NDUFAF7: variants seen among roughly 807,000 people sequenced by gnomAD.
NDUFAF7 encodes protein arginine methyltransferase NDUFAF7, mitochondrial.
A neutral mutation model predicts 47.2 loss-of-function variants in NDUFAF7; 48 were observed. The observed-to-expected ratio is 1.02, with a 90% CI of 0.81 to 1.29. The LOEUF (loss-of-function observed/expected upper bound fraction) is 1.29. NDUFAF7 is among the 50% of genes most tolerant of loss of function. The pLI is 0.00. For synonymous variants in NDUFAF7, 217 were observed against 190.0 expected, an observed-to-expected ratio of 1.14 and a Z score of -1.17; for missense variants, 635 against 537.6, an observed-to-expected ratio of 1.18 and a Z score of -1.79.
chr2:37,245,934 T>C lies in NDUFAF7; in HGVS notation c.793-118T>C. 3 of 1,165,064 alleles carry C rather than the reference T, an allele frequency of 2.6e-6. No homozygotes were observed. In the South Asian group the frequency reaches 4.2e-5, roughly 16 times the overall value. 72.2% of individuals were successfully genotyped at this position (1,165,064 alleles called of 1,614,324 possible). The stretch of plus-strand genomic sequence containing the variant: ...GTTGAGTGTAGAGAACATACTCATA[T>C]TAAGAATTTATTTTTATTAAAACTA... On this transcript the variant is annotated intron_variant, in intron 7 of 9. Transcript: ENST00000002125.
rs200192456 is a variant in NDUFAF7 at position 37,248,173 on chromosome 2, G to A, written c.1149G>A (p.Gln383=). 57 of 1,614,032 alleles carry A rather than the reference G, an allele frequency of 3.5e-5. No homozygotes were observed. In the African/African-American group the frequency reaches 7.1e-4, roughly 20 times the overall value. The change falls in exon 10 of 10, where the codon CAG becomes CAA. Residue 383 remains glutamine (Q), a synonymous_variant. Transcript: ENST00000002125. The part of the protein sequence containing the change: ...LDKSNEPSVR[Q]QLLQGYDMLM... ...AATCAAATGAGCCATCAGTGAGGCA[G>A]CAGTTACTTCAAGGATATGATATGT...
chr2:37,242,564 AC>A lies in NDUFAF7; in HGVS notation c.623-70del, dbSNP rs1666464878. 7.9e-6 allele frequency: 10 copies of A among 1,257,870 alleles called. No homozygotes were observed. In the Admixed American group the frequency reaches 1.9e-4, roughly 24 times the overall value. The allele number at this position is 1,257,870 out of a possible 1,614,324, so 77.9% of individuals were successfully genotyped here. ...TATGGAGGAAGTAGGCATTTTTTTT[AC>A]AGTTAATATTCAAAAGAATTAATTC... On this transcript the variant is annotated intron_variant, in intron 5 of 9. Coordinates refer to ENST00000002125, the MANE Select transcript of NDUFAF7 (RefSeq NM_144736.5).
chr2:37,255,544 C>T (rs1292224004), downstream of NDUFAF7, among the ~76,000 whole-genome samples: 1 of 152,160 alleles, frequency 6.6e-6, no homozygotes, highest in African/African-American at 2.4e-5. Context: ...GAGATGTATG[C>T]AGCTTCCCAG....
intron 4 of NDUFAF7, 83 bp from the exon 5 acceptor site, chr2:37,241,495 T>C (rs887529804): frequency 1.8e-6 from 2 of 1,137,552 alleles, no homozygotes; most frequent in Non-Finnish European, 2.6e-6. Flanking sequence ...TATTGTGACA[T>C]GACTAAATCA....
At chr2:37,249,459 C>T (rs1001822130), downstream of NDUFAF7, among the ~76,000 whole-genome samples, 2 of 151,762 alleles carry the variant, frequency 1.3e-5, no homozygotes, top group Admixed American at 6.6e-5. Flanking sequence ...CGCCTGTAAT[C>T]CTAGCTACTC....
Position 37,246,062 on chromosome 2 carries a change from C to T in NDUFAF7, c.803C>T (p.Thr268Ile). ...TGATCCCTTTACTAGCATGACGAAA[C>T]AAGGGATCATGTTGAAGTGTGTCCT... is the stretch of plus-strand genomic sequence containing the variant. ...PAEAFIQHDETRDHVEVCPDA... is the reference protein window; with the variant it reads ...PAEAFIQHDEIRDHVEVCPDA... Residue 268 changes from threonine (T) to isoleucine (I), a missense_variant, in exon 8 of 10, where the codon ACA (threonine) becomes ATA (isoleucine). Coordinates refer to ENST00000002125, the MANE Select transcript of NDUFAF7 (RefSeq NM_144736.5). 4 of 1,613,798 alleles carry T rather than the reference C, an allele frequency of 2.5e-6. No individual in the cohort carries two copies. Among genetic ancestry groups the T allele is most frequent in the Non-Finnish European group, 3.4e-6 (4 of 1,179,814 alleles).
the NDUFAF7 span, chr2:37,260,130 C>G: frequency 8.2e-7 from 1 of 1,212,254 alleles, no homozygotes; most frequent in Non-Finnish European, 1.1e-6. Context: ...CACCACTGCA[C>G]TCCAGCCCAG....
At chr2:37,269,389 C>G in the NDUFAF7 span, 6 of 533,906 alleles carry the variant, frequency 1.1e-5, no homozygotes, top group Non-Finnish European at 2.0e-5. Context: ...AGAGATAAAA[C>G]ACACTGTAAA....
chr2:37,254,699 A>AT (rs1429455749), downstream of NDUFAF7, among the ~76,000 whole-genome samples: 1 of 152,124 alleles, frequency 6.6e-6, no homozygotes, highest in Non-Finnish European at 1.5e-5. Flanking sequence ...AACTATTATT[A>AT]TTTGAAGATG....
intron 6 of NDUFAF7, among the ~76,000 whole-genome samples, chr2:37,243,388 G>A (rs1236201359): frequency 2.0e-5 from 3 of 152,204 alleles, no homozygotes; most frequent in Non-Finnish European, 4.4e-5. Context: ...GGAGGCAGAG[G>A]TTGCAGTGAG....
At chr2:37,243,756 G>T in intron 6 of NDUFAF7, 107 bp from the exon 7 acceptor site, 1 of 790,734 alleles carries the variant, frequency 1.3e-6, no homozygotes, top group Non-Finnish European at 2.2e-6. Context: ...TAAGTTCTCT[G>T]TAAATGTTAG....
chr2:37,259,064 ACTC>A, the NDUFAF7 span, among the ~76,000 whole-genome samples: 62 of 149,952 alleles, frequency 4.1e-4, 1 homozygote, highest in Admixed American at 3.7e-3. Flanking sequence ...AAAAAAAAAA[ACTC>A]AACTGAATTA....
chr2:37,238,003 T>C (rs887005211), intron 4 of NDUFAF7, 136 bp downstream of exon 4: 2 of 722,998 alleles, frequency 2.8e-6, no homozygotes, highest in South Asian at 3.2e-5. Flanking sequence ...GTCAGAATAA[T>C]GTAATCAGTC....
the NDUFAF7 span, chr2:37,259,592 T>C: frequency 1.1e-5 from 18 of 1,609,568 alleles, no homozygotes; most frequent in Non-Finnish European, 1.4e-5. Context: ...CCTGAGGAAA[T>C]GGCTCTGCTG....
chr2:37,268,516 G>C, the NDUFAF7 span: 3 of 347,016 alleles, frequency 8.6e-6, no homozygotes, highest in Non-Finnish European at 1.1e-5. Flanking sequence ...AAGTTCAGTG[G>C]GAAGACAATA....
At chr2:37,247,031 C>T (rs1402610741) in intron 8 of NDUFAF7, among the ~76,000 whole-genome samples, 1 of 152,124 alleles carries the variant, frequency 6.6e-6, no homozygotes. Context: ...GATAGATTTT[C>T]AGCCCTTGTT....
At chr2:37,241,433 A>T in intron 4 of NDUFAF7, 145 bp from the exon 5 acceptor site, 1 of 677,828 alleles carries the variant, frequency 1.5e-6, no homozygotes, top group South Asian at 1.8e-5. Flanking sequence ...ATTCTTATAG[A>T]CTGCTGGAGA....
the NDUFAF7 span, among the ~76,000 whole-genome samples, chr2:37,262,272 TTC>T: frequency 2.0e-5 from 3 of 152,186 alleles, no homozygotes; most frequent in South Asian, 6.2e-4. Context: ...TTAGCCCACA[TTC>T]TCTCTCTTTG....
At chr2:37,236,735 G>T (rs1397386100) in intron 3 of NDUFAF7, among the ~76,000 whole-genome samples, 1 of 150,900 alleles carries the variant, frequency 6.6e-6, no homozygotes, top group African/African-American at 2.4e-5. Context: ...GAGCCAAGAT[G>T]GCGCCACTGC....
Sources: allele counts gnomAD v4.1 joint callset (sites outside exome capture counted in the v4.1 genomes callset), GRCh38; gene constraint gnomAD v4.1.1; transcripts MANE v1.5; gene names NCBI Gene and HGNC (gene_info 2026-07-23, HGNC 2026-07-21).